The following PTPRG variants were observed in gnomAD, a reference collection of about 807,000 sequenced individuals.
PTPRG encodes receptor-type tyrosine-protein phosphatase gamma.
A neutral mutation model predicts 165.3 loss-of-function variants in PTPRG; 102 were observed. The ratio of observed to expected loss-of-function variants is 0.62; its 90% CI spans 0.53 to 0.73. The LOEUF is 0.73. PTPRG is among the 30% of genes least tolerant of loss of function. The probability of loss-of-function intolerance (pLI) is 0.00; values close to 1 mark genes in which losing one functional copy is unlikely to be tolerated. For synonymous variants in PTPRG, 675 were observed against 669.5 expected, an observed-to-expected ratio of 1.01 and a Z score of -0.13; for missense variants, 1,866 against 1,861.4, an observed-to-expected ratio of 1.00 and a Z score of -0.05.
At chr3:62,018,552 G>A (rs917667271) in intron 4 of PTPRG, among the ~76,000 whole-genome samples, 1 of 152,178 alleles carries the variant, frequency 6.6e-6, no homozygotes, top group Non-Finnish European at 1.5e-5. Flanking sequence ...TCTCAAAAAT[G>A]CCTGAAATTC....
chr3:62,103,304 T>C (rs968396980), intron 5 of PTPRG, among the ~76,000 whole-genome samples: 5 of 117,586 alleles, frequency 4.3e-5, no homozygotes, highest in African/African-American at 1.8e-4. Flanking sequence ...TAATAAAATA[T>C]TGAAGGTCTT....
At chr3:61,624,277 C>T (rs575724988) in intron 1 of PTPRG, among the ~76,000 whole-genome samples, 5 of 152,212 alleles carry the variant, frequency 3.3e-5, no homozygotes, top group South Asian at 4.2e-4. Flanking sequence ...AATCTACCCC[C>T]TCCTCCTTCC....
intron 2 of PTPRG, among the ~76,000 whole-genome samples, chr3:61,977,338 C>G (rs2040534844): frequency 6.6e-6 from 1 of 152,098 alleles, no homozygotes. Context: ...GTCCTGAGAT[C>G]CAGGTCTCAT....
At chr3:62,020,057 A>G (rs6445248) in intron 4 of PTPRG, among the ~76,000 whole-genome samples, 42,740 of 151,958 alleles carry the variant, frequency 0.28, 6,136 homozygotes, top group East Asian at 0.35. Flanking sequence ...TTTTCTGTTG[A>G]TCATAGATTC....
intron 2 of PTPRG, among the ~76,000 whole-genome samples, chr3:61,893,481 G>A (rs562280385): frequency 6.6e-6 from 1 of 152,318 alleles, no homozygotes; most frequent in South Asian, 2.1e-4. Context: ...TTGACTGTAG[G>A]TGGAAGAGCC....
chr3:62,271,319 C>T lies in PTPRG; in HGVS notation c.3010-64C>T. ...GTGGTCATGTGTCCTGACACCCTTACATTATTTTTTTCCAGAATGTCCACC... is the reference window on the plus strand; with the variant it reads ...GTGGTCATGTGTCCTGACACCCTTATATTATTTTTTTCCAGAATGTCCACC... On this transcript the variant is annotated intron_variant, in intron 20 of 29. Transcript: ENST00000474889. The surrounding 1 kb of genome is among the most constrained non-coding windows in gnomAD (Gnocchi z 4.1). The T allele has an allele frequency of 7.2e-7, 1 of 1,387,224 alleles. No individual in the cohort carries two copies. Among genetic ancestry groups the T allele is most frequent in the Non-Finnish European group, 1.0e-6 (1 of 1,004,354 alleles). 85.9% of individuals were successfully genotyped at this position (1,387,224 alleles called of 1,614,324 possible). A position where few individuals can be genotyped will look rare whatever the true frequency, so the allele number is the denominator to read the frequency against.
intron 4 of PTPRG, among the ~76,000 whole-genome samples, chr3:62,074,900 T>C (rs1701334038): frequency 6.6e-6 from 1 of 152,132 alleles, no homozygotes; most frequent in South Asian, 2.1e-4. Context: ...TGTCCAAACT[T>C]GGACATCACC....
chr3:62,081,121 G>A (rs1025443003), intron 5 of PTPRG, among the ~76,000 whole-genome samples: 5 of 151,818 alleles, frequency 3.3e-5, no homozygotes, highest in Admixed American at 2.0e-4. Flanking sequence ...GCCGGGCGTG[G>A]TGGCGGGCAC....
In PTPRG at chr3:62,240,439, TCTC is replaced by T. The variant is rs1178681880; in HGVS notation, c.2376-3365_2376-3363del. On this transcript the variant is annotated intron_variant, in intron 14 of 29. Transcript: ENST00000474889. The surrounding 1 kb of genome is among the most constrained non-coding windows in gnomAD (Gnocchi z 5.1). ...ACTATAATAATAGCCCACAGATTGA[TCTC>T]CTTGTTCCATTTCTGCTGCCCTCTA... 6.6e-6 allele frequency among the ~76,000 whole-genome samples: 1 copy of T among 152,188 alleles called. No homozygotes were observed. The highest frequency in any genetic ancestry group is 2.4e-5 in the African/African-American group (1 of 41,438).
At chr3:62,164,889 A>G (rs1704909045) in intron 7 of PTPRG, among the ~76,000 whole-genome samples, 1 of 152,222 alleles carries the variant, frequency 6.6e-6, no homozygotes, top group Admixed American at 6.5e-5. Context: ...GTTTTCTGAG[A>G]CAGGCCATTC....
chr3:62,151,817 C>G (rs1018084891), intron 6 of PTPRG, among the ~76,000 whole-genome samples: 2 of 152,018 alleles, frequency 1.3e-5, no homozygotes, highest in Non-Finnish European at 2.9e-5. Flanking sequence ...TATAGCAAGA[C>G]TTATTTAACA....
At chr3:61,882,769 G>C (rs1272418038) in intron 2 of PTPRG, among the ~76,000 whole-genome samples, 1 of 152,058 alleles carries the variant, frequency 6.6e-6, no homozygotes, top group East Asian at 1.9e-4. Flanking sequence ...GTTTTTGTTT[G>C]TTTCTGTATC....
At chr3:61,844,392 C>T (rs962049645) in intron 2 of PTPRG, among the ~76,000 whole-genome samples, 1 of 152,200 alleles carries the variant, frequency 6.6e-6, no homozygotes, top group Non-Finnish European at 1.5e-5. Context: ...AGATAAATGA[C>T]AAATAATTTT....
intron 1 of PTPRG, among the ~76,000 whole-genome samples, chr3:61,635,701 G>A (rs998712741): frequency 5.3e-5 from 8 of 152,074 alleles, no homozygotes; most frequent in African/African-American, 1.9e-4. Context: ...CAGAAAGCTT[G>A]AGTCTTAGGC....
intron 6 of PTPRG, among the ~76,000 whole-genome samples, chr3:62,138,431 T>G (rs1703797252): frequency 6.6e-6 from 1 of 152,064 alleles, no homozygotes; most frequent in Admixed American, 6.6e-5. Context: ...TTAAGAAATG[T>G]GTGTGGGCCG....
chr3:61,656,898 C>A (rs1192676054), intron 1 of PTPRG, among the ~76,000 whole-genome samples: 1 of 152,182 alleles, frequency 6.6e-6, no homozygotes, highest in East Asian at 1.9e-4. Flanking sequence ...GAGTGGTGAA[C>A]AAATCCCTGC....
At chr3:61,923,624 TCAGTTCCCACCTATGAGCGAGAA>T (rs1409706350) in intron 2 of PTPRG, among the ~76,000 whole-genome samples, 40 of 145,320 alleles carry the variant, frequency 2.8e-4, no homozygotes, top group Non-Finnish European at 4.8e-4. Context: ...TTCTCATTGT[TCAGTTCCCACCTATGAGCGAGAA>T]CAGTTCCCAC....
chr3:62,144,115 A>G (rs991399097), intron 6 of PTPRG, among the ~76,000 whole-genome samples: 6 of 152,210 alleles, frequency 3.9e-5, no homozygotes, highest in African/African-American at 1.4e-4. Context: ...TTGCACAACA[A>G]TGGCAAACTT....
At chr3:62,112,651 C>T (rs1195083721) in intron 5 of PTPRG, among the ~76,000 whole-genome samples, 3 of 152,156 alleles carry the variant, frequency 2.0e-5, no homozygotes, top group African/African-American at 4.8e-5. Context: ...TTTACGAGTC[C>T]TATCTGGGCA....
Sources: allele counts gnomAD v4.1 joint callset (sites outside exome capture counted in the v4.1 genomes callset), GRCh38; gene constraint gnomAD v4.1.1; non-coding constraint Gnocchi (gnomAD v3.1); transcripts MANE v1.5; gene names NCBI Gene and HGNC (gene_info 2026-07-23, HGNC 2026-07-21).